Variants in SIPA1L3 observed in about 807,000 individuals in gnomAD.
SIPA1L3 encodes signal induced proliferation associated 1 like 3, also known as signal-induced proliferation-associated 1-like protein 3.
Under a neutral mutation model 150.1 loss-of-function variants are expected in SIPA1L3, and 59 were observed. The observed-to-expected ratio is 0.39, with a 90% CI of 0.32 to 0.49. The LOEUF (loss-of-function observed/expected upper bound fraction) is 0.49. Ranked by LOEUF, SIPA1L3 falls within the 20% of genes least tolerant of loss-of-function variation. The pLI, the probability that SIPA1L3 is intolerant of heterozygous loss-of-function variation, is 0.86. For synonymous variants in SIPA1L3, 1,070 were observed against 1,077.6 expected (o/e 0.99, Z 0.14); for missense variants, 2,211 against 2,489.5 (o/e 0.89, Z 2.38).
intron 1 of SIPA1L3, among the ~76,000 whole-genome samples, chr19:37,923,852 C>T (rs1599797698): frequency 2.0e-5 from 3 of 151,924 alleles, no homozygotes; most frequent in South Asian, 2.1e-4. Flanking sequence ...CTCTGCCTCT[C>T]GGGTTCAAGC....
chr19:38,021,432 T>C (rs1968370873), intron 1 of SIPA1L3, among the ~76,000 whole-genome samples: 1 of 152,102 alleles, frequency 6.6e-6, no homozygotes. Context: ...AGGGTAGTTC[T>C]GGGGACAAGG....
At chr19:38,144,100 G>T (rs1024086416) in intron 12 of SIPA1L3, among the ~76,000 whole-genome samples, 2 of 152,142 alleles carry the variant, frequency 1.3e-5, no homozygotes, top group African/African-American at 4.8e-5. Flanking sequence ...ACCAACTCAA[G>T]CTTCTGTGCC....
Position 38,049,337 on chromosome 19 carries a change from T to C in SIPA1L3, c.-311+20181T>C, listed in dbSNP as rs1008428145. On this transcript the variant is annotated intron_variant, in intron 2 of 21. Coordinates refer to ENST00000222345, the MANE Select transcript of SIPA1L3 (RefSeq NM_015073.3). ...GAGTAAAGAGTCAGCTTCCGGGGTT[T>C]GGAGCTCTGTATCTCATTCTTTCGG... is the stretch of plus-strand genomic sequence containing the variant. Among the ~76,000 whole-genome samples the C allele has an allele frequency of 7.9e-5, 12 of 152,340 alleles. No individual in the cohort carries two copies. In the South Asian group the frequency reaches 1.7e-3, roughly 21 times the overall value.
chr19:38,119,557 C>A lies in SIPA1L3; in HGVS notation c.2543C>A (p.Ser848Tyr), dbSNP rs748108254. 6.2e-7 allele frequency: 1 copy of A among 1,614,242 alleles called. No individual in the cohort carries two copies. The highest frequency in any genetic ancestry group is 1.1e-5 in the South Asian group (1 of 91,088). ...IDSTGKFNLI[S>Y]LTSKKKEKTK... ...TCCACCGGCAAATTCAACCTCATCT[C>A]CCTGACCTCCAAGAAGAAGGAAAAG... The change falls in exon 9 of 22, where the codon TCC (serine) becomes TAC (tyrosine). Residue 848 changes from serine to tyrosine, a missense_variant. Physicochemically the swap from Ser to Tyr is moderately radical, Grantham distance 144. This residue lies in a region of SIPA1L3 where 625 missense variants were observed against 804.2 expected (regional missense o/e 0.78). Transcript: ENST00000222345.
At chr19:37,924,650 C>A (rs1422669463) in intron 1 of SIPA1L3, among the ~76,000 whole-genome samples, 2 of 149,520 alleles carry the variant, frequency 1.3e-5, no homozygotes, top group East Asian at 3.9e-4. Flanking sequence ...TGCACTCCAG[C>A]CTGGGTGACA....
At chr19:38,048,118 C>T (rs1177457794) in intron 2 of SIPA1L3, among the ~76,000 whole-genome samples, 1 of 152,140 alleles carries the variant, frequency 6.6e-6, no homozygotes, top group Admixed American at 6.5e-5. Context: ...CTCTAATGCC[C>T]CATTTCCCTC....
intron 1 of SIPA1L3, among the ~76,000 whole-genome samples, chr19:37,939,769 C>T (rs192811774): frequency 2.6e-5 from 4 of 152,194 alleles, no homozygotes; most frequent in Non-Finnish European, 5.9e-5. Context: ...TTCCCATGGC[C>T]TTATTCTTAG....
intron 1 of SIPA1L3, among the ~76,000 whole-genome samples, chr19:38,000,970 A>AACAC (rs1967788696): frequency 1.6e-5 from 2 of 125,034 alleles, no homozygotes; most frequent in East Asian, 4.0e-4. Flanking sequence ...ACACATATAT[A>AACAC]ACATATATAA....
In SIPA1L3 at chr19:38,119,438, C is replaced by T. The variant is rs1242933869; in HGVS notation, c.2424C>T (p.His808=). The change falls in exon 9 of 22, where the codon CAC becomes CAT. Residue 808 remains histidine, a synonymous_variant. Coordinates refer to ENST00000222345, the MANE Select transcript of SIPA1L3 (RefSeq NM_015073.3). ...AKVINAENAA[H]KSDKFHTMAT... ...TGATTAACGCTGAGAACGCCGCGCA[C>T]AAGTCCGACAAGTTCCACACCATGG... 1 of 1,614,064 alleles carries T rather than the reference C, an allele frequency of 6.2e-7. No individual in the cohort carries two copies. Among genetic ancestry groups the T allele is most frequent in the African/African-American group, 1.3e-5 (1 of 74,928 alleles).
chr19:38,171,518 G>A (rs1000251900), intron 15 of SIPA1L3, among the ~76,000 whole-genome samples: 24 of 146,316 alleles, frequency 1.6e-4, no homozygotes, highest in Non-Finnish European at 7.5e-5. Flanking sequence ...TCAGCCTCCC[G>A]AGTAGCTGGG....
intron 13 of SIPA1L3, among the ~76,000 whole-genome samples, chr19:38,157,617 C>G (rs1971979344): frequency 6.6e-6 from 1 of 152,170 alleles, no homozygotes; most frequent in Admixed American, 6.5e-5. Context: ...TTAGCATGCT[C>G]TCACGCTGTC....
In SIPA1L3 at chr19:38,110,379, T is replaced by C; in HGVS notation, c.2286T>C (p.Cys762=). 1 of 1,613,138 alleles carries C rather than the reference T, an allele frequency of 6.2e-7. No homozygotes were observed. The highest frequency in any genetic ancestry group is 8.5e-7 in the Non-Finnish European group (1 of 1,179,412). The change falls in exon 8 of 22, where the codon TGT becomes TGC. Residue 762 remains cysteine, a synonymous_variant. Transcript: ENST00000222345. The part of the protein sequence containing the change: ...RVHNPCTDNV[C]YSMAVTRSKD... ...ACAACCCCTGCACTGATAACGTCTG[T>C]TACAGGTATGCCCCCCACACCCGGC...
chr19:38,037,195 A>G (rs1169653723), intron 2 of SIPA1L3, among the ~76,000 whole-genome samples: 1 of 152,194 alleles, frequency 6.6e-6, no homozygotes, highest in Non-Finnish European at 1.5e-5. Flanking sequence ...TTATGTCTGC[A>G]CTAAGTGCTC....
intron 1 of SIPA1L3, among the ~76,000 whole-genome samples, chr19:38,010,281 G>A (rs1306319741): frequency 6.6e-6 from 1 of 151,942 alleles, no homozygotes; most frequent in Non-Finnish European, 1.5e-5. Context: ...GTTGGCTCAC[G>A]CTTATAACCC....
In SIPA1L3 at chr19:38,041,150, A is replaced by C. The variant is rs1435871628; in HGVS notation, c.-311+11994A>C. On this transcript the variant is annotated intron_variant, in intron 2 of 21. Transcript: ENST00000222345. ...GAGTTGGAGTCTCACTCTGTCACCCAGGCTAGACTGCAGTAGCTCGATTTT... is the reference window on the plus strand; with the variant it reads ...GAGTTGGAGTCTCACTCTGTCACCCCGGCTAGACTGCAGTAGCTCGATTTT... 2.8e-5 allele frequency among the ~76,000 whole-genome samples: 4 copies of C among 140,972 alleles called. No homozygotes were observed. In the East Asian group the frequency reaches 8.2e-4, roughly 29 times the overall value. The allele number at this position is 140,972 out of a possible 152,430, so 92.5% of individuals were successfully genotyped here.
chr19:37,921,478 G>A (rs1489174525), intron 1 of SIPA1L3, among the ~76,000 whole-genome samples: 1 of 152,188 alleles, frequency 6.6e-6, no homozygotes, highest in Non-Finnish European at 1.5e-5. Flanking sequence ...TTCCTCTGGT[G>A]CCCCGTTTTT....
intron 1 of SIPA1L3, among the ~76,000 whole-genome samples, chr19:37,975,814 TGGG>T (rs987541862): frequency 3.6e-4 from 54 of 151,948 alleles, no homozygotes; most frequent in Middle Eastern, 3.4e-3. Context: ...CATTCAGAAA[TGGG>T]GGGTTGGCCG....
At chr19:37,909,887 T>C (rs2046364044) in intron 1 of SIPA1L3, among the ~76,000 whole-genome samples, 1 of 151,430 alleles carries the variant, frequency 6.6e-6, no homozygotes. Context: ...CATTTGATGA[T>C]AGAAACCGGT....
At chr19:37,973,057 C>T (rs546623199) in intron 1 of SIPA1L3, among the ~76,000 whole-genome samples, 92 of 151,358 alleles carry the variant, frequency 6.1e-4, no homozygotes, top group South Asian at 8.3e-4. Context: ...ATAGGGGTTC[C>T]GTTATTAAAG....
Sources: allele counts gnomAD v4.1 joint callset (sites outside exome capture counted in the v4.1 genomes callset), GRCh38; gene constraint gnomAD v4.1.1; regional missense constraint gnomAD v4.1.1; transcripts MANE v1.5; gene names NCBI Gene and HGNC (gene_info 2026-07-23, HGNC 2026-07-21).